The following CALD1 variants were observed in gnomAD, a reference collection of about 807,000 sequenced individuals.
The protein encoded by CALD1 is caldesmon 1.
Under a neutral mutation model 99.9 loss-of-function variants are expected in CALD1, and 33 were observed. That is an observed-to-expected ratio of 0.33 (90% CI 0.25 to 0.44). The LOEUF is 0.44. Among genes scored for constraint, CALD1 ranks in the 20% least tolerant of loss-of-function variants. The pLI, the probability that CALD1 is intolerant of heterozygous loss-of-function variation, is 1.00. For missense variants in CALD1, 861 were observed against 962.1 expected (o/e 0.89, Z 1.39); for synonymous variants, 310 against 325.0 (o/e 0.95, Z 0.50).
intron 1 of CALD1, among the ~76,000 whole-genome samples, chr7:134,770,525 G>A (rs1349695): frequency 0.022 from 3,346 of 152,082 alleles, 62 homozygotes; most frequent in Non-Finnish European, 0.03. Context: ...TAGGTGTGTC[G>A]CTTCCATCCC....
chr7:134,792,151 G>A (rs1326818628), intron 1 of CALD1, among the ~76,000 whole-genome samples: 2 of 152,170 alleles, frequency 1.3e-5, no homozygotes, highest in African/African-American at 4.8e-5. Context: ...AGATCAAGGT[G>A]TCAGCAGGGT....
At chr7:134,852,408 G>T (rs1800120700) in intron 2 of CALD1, among the ~76,000 whole-genome samples, 1 of 152,140 alleles carries the variant, frequency 6.6e-6, no homozygotes, top group African/African-American at 2.4e-5. Context: ...ATAGAGTGGA[G>T]CCATTTCACA....
chr7:134,928,310 T>G (rs918884636), intron 3 of CALD1, among the ~76,000 whole-genome samples: 1 of 151,322 alleles, frequency 6.6e-6, no homozygotes, highest in African/African-American at 2.4e-5. Flanking sequence ...GTGCCTGTAA[T>G]CCCAGCTGCT....
In CALD1 at chr7:134,933,299, G is replaced by A; in HGVS notation, c.530G>A (p.Trp177Ter). The change falls in exon 5 of 15, where the codon TGG becomes TAG. Residue 177 changes from tryptophan (W) to a stop codon, truncating the protein, a stop_gained. Coordinates refer to ENST00000361675, the MANE Select transcript of CALD1 (RefSeq NM_033138.4). LOFTEE classifies it high-confidence loss of function. Reference protein sequence around the residue: ...TVTKSYQKNDWRDAEENKKED... With the variant: ...TVTKSYQKND The stretch of plus-strand genomic sequence containing the variant: ...ACCAAGTCCTACCAGAAGAATGATT[G>A]GAGGGATGCTGAAGAAAACAAGAAA... The A allele has an allele frequency of 6.2e-7, 1 of 1,605,190 alleles. No homozygotes were observed. Among genetic ancestry groups the A allele is most frequent in the Non-Finnish European group, 8.5e-7 (1 of 1,176,152 alleles).
intron 9 of CALD1, among the ~76,000 whole-genome samples, chr7:134,956,327 A>G (rs1807770406): frequency 6.6e-6 from 1 of 152,188 alleles, no homozygotes; most frequent in South Asian, 2.1e-4. Context: ...ATCTTGGAGA[A>G]TTGTGTGTAT....
chr7:134,744,485 G>A (rs1316138725), intron 1 of CALD1: 1 of 150,438 alleles, frequency 6.6e-6, no homozygotes, highest in Non-Finnish European at 1.5e-5. Context: ...GTGTGTGTGT[G>A]TACATGTGCA....
At chr7:134,831,074 A>C (rs1799198312) in intron 1 of CALD1, among the ~76,000 whole-genome samples, 1 of 152,218 alleles carries the variant, frequency 6.6e-6, no homozygotes, top group Admixed American at 6.5e-5. Context: ...CAAACCTGAA[A>C]TACTCTCAGT....
chr7:134,733,531 G>A, the CALD1 span, among the ~76,000 whole-genome samples: 53,815 of 151,814 alleles, frequency 0.35, 10,083 homozygotes, highest in African/African-American at 0.46. Flanking sequence ...CTGCTAGGCC[G>A]GGCGCGGTGG....
At chr7:134,911,843 C>G (rs1803836665) in intron 3 of CALD1, among the ~76,000 whole-genome samples, 1 of 152,128 alleles carries the variant, frequency 6.6e-6, no homozygotes, top group Admixed American at 6.5e-5. Context: ...GACTTGCTTT[C>G]AAGAAACACA....
intron 3 of CALD1, among the ~76,000 whole-genome samples, chr7:134,907,369 G>T (rs1803469119): frequency 6.6e-6 from 1 of 151,976 alleles, no homozygotes; most frequent in Non-Finnish European, 1.5e-5. Context: ...GTAAACAGAG[G>T]AGAAGCAGAA....
At chr7:134,953,670 T>G (rs1449289433) in intron 9 of CALD1, among the ~76,000 whole-genome samples, 1 of 65,518 alleles carries the variant, frequency 1.5e-5, no homozygotes, top group Non-Finnish European at 4.0e-5. Flanking sequence ...TTTTTTTTTG[T>G]TTTTTTTTTT....
intron 2 of CALD1, among the ~76,000 whole-genome samples, chr7:134,856,039 G>A (rs1162951632): frequency 6.6e-6 from 1 of 152,206 alleles, no homozygotes; most frequent in East Asian, 1.9e-4. Context: ...CAGCAAGAGT[G>A]TGAGGAACTC....
At chr7:134,963,424 A>G (rs1808427224) in intron 13 of CALD1, among the ~76,000 whole-genome samples, 1 of 152,240 alleles carries the variant, frequency 6.6e-6, no homozygotes, top group Admixed American at 6.5e-5. Flanking sequence ...GTGCATTTTC[A>G]GTGTTACAAT....
intron 2 of CALD1, among the ~76,000 whole-genome samples, chr7:134,862,973 G>A (rs577143422): frequency 6.6e-6 from 1 of 152,226 alleles, no homozygotes; most frequent in South Asian, 2.1e-4. Context: ...CAGCTTTCTG[G>A]TGGCCTTAGG....
At chr7:134,875,396 G>A (rs1040661718) in intron 3 of CALD1, among the ~76,000 whole-genome samples, 2 of 152,200 alleles carry the variant, frequency 1.3e-5, no homozygotes, top group Non-Finnish European at 2.9e-5. Context: ...AACACTTTGC[G>A]AGGCTGAGCC....
intron 2 of CALD1, among the ~76,000 whole-genome samples, chr7:134,844,883 C>T (rs1799789608): frequency 6.6e-6 from 1 of 152,100 alleles, no homozygotes; most frequent in Non-Finnish European, 1.5e-5. Flanking sequence ...TTGGATTAGG[C>T]CCACCCTAAA....
chr7:134,712,568 T>C, the CALD1 span, among the ~76,000 whole-genome samples: 3 of 152,234 alleles, frequency 2.0e-5, no homozygotes, highest in Non-Finnish European at 4.4e-5. Flanking sequence ...ATCCCTGGAA[T>C]GTCTTCTAGA....
chr7:134,861,843 G>A (rs562028565), intron 2 of CALD1, among the ~76,000 whole-genome samples: 78 of 152,318 alleles, frequency 5.1e-4, no homozygotes, highest in African/African-American at 1.8e-3. Flanking sequence ...TTCCTTGCGA[G>A]AGCAGAGAAA....
intron 1 of CALD1, among the ~76,000 whole-genome samples, chr7:134,757,439 T>C (rs1408439396): frequency 6.6e-6 from 1 of 152,232 alleles, no homozygotes; most frequent in African/African-American, 2.4e-5. Context: ...GCTTACAATT[T>C]GCAGGTCTGT....
Sources: gnomAD v4.1 joint callset for allele counts (sites outside exome capture counted in the v4.1 genomes callset) on GRCh38, gnomAD v4.1.1 for gene constraint, MANE v1.5 for transcripts, NCBI Gene and HGNC (gene_info 2026-07-23, HGNC 2026-07-21) for gene names.